The following ZCWPW2 variants were observed in gnomAD, a reference collection of about 807,000 sequenced individuals.
ZCWPW2 encodes the protein zinc finger CW-type and PWWP domain containing 2.
Under a neutral mutation model 46.6 loss-of-function variants are expected in ZCWPW2, and 45 were observed. The observed-to-expected ratio is 0.96, with a 90% confidence interval of 0.76 to 1.24. The LOEUF is 1.24. Ranked by LOEUF, ZCWPW2 falls within the 50% of genes most tolerant of loss-of-function variation. The pLI is 0.00. For missense variants in ZCWPW2, 429 were observed against 403.9 expected, an observed-to-expected ratio of 1.06 and a Z score of -0.53; for synonymous variants, 152 against 137.1, an observed-to-expected ratio of 1.11 and a Z score of -0.76.
chr3:28,429,374 A>G (rs1019269708), intron 3 of ZCWPW2, among the ~76,000 whole-genome samples: 1 of 152,172 alleles, frequency 6.6e-6, no homozygotes, highest in Non-Finnish European at 1.5e-5. Context: ...AATTTTAAGC[A>G]GCAATGTGAT....
chr3:28,396,086 G>C lies in ZCWPW2; in HGVS notation c.-14+5469G>C, dbSNP rs181184377. 2.3e-3 allele frequency among the ~76,000 whole-genome samples: 349 copies of C among 152,184 alleles called. 1 individual carries two copies. The highest frequency in any genetic ancestry group is 8.0e-3 in the African/African-American group (332 of 41,544). On this transcript the variant is annotated intron_variant, in intron 2 of 9. Transcript: ENST00000383768. ...GATAATGCAGCAGGGTCAGTAGAGA[G>C]TTTTTGAGGAAAATTGGAAAAGCCA... is the stretch of plus-strand genomic sequence containing the variant.
chr3:28,450,496 T>C (rs1698183635), intron 4 of ZCWPW2, among the ~76,000 whole-genome samples: 1 of 152,228 alleles, frequency 6.6e-6, no homozygotes, highest in African/African-American at 2.4e-5. Context: ...CATTATAATT[T>C]TTCTTGGGCA....
At chr3:28,412,954 T>C (rs1696461770) in intron 2 of ZCWPW2, 102 bp from the exon 3 acceptor site, 2 of 859,450 alleles carry the variant, frequency 2.3e-6, no homozygotes, top group East Asian at 2.7e-5. Flanking sequence ...GGGGTGGGCA[T>C]AGAAGATATC....
Position 28,436,607 on chromosome 3 carries a change from A to T in ZCWPW2, c.492+1338A>T, listed in dbSNP as rs941250836. On this transcript the variant is annotated intron_variant, in intron 4 of 9. Transcript: ENST00000383768. ...TATCTTTGGCAAATATATAGTAAAA[A>T]CTATGTATTTTATACTATTTTGTTT... 6.6e-5 allele frequency among the ~76,000 whole-genome samples: 10 copies of T among 151,998 alleles called. No homozygotes were observed. The South Asian group carries it at 1.9e-3, about 28-fold the overall frequency.
chr3:28,485,682 C>G (rs1258573449), intron 5 of ZCWPW2, among the ~76,000 whole-genome samples: 1 of 152,092 alleles, frequency 6.6e-6, no homozygotes, highest in African/African-American at 2.4e-5. Flanking sequence ...GAAGTCTGCT[C>G]TGTTTCAAAT....
chr3:28,399,898 A>G (rs1695855730), intron 2 of ZCWPW2, among the ~76,000 whole-genome samples: 1 of 152,166 alleles, frequency 6.6e-6, no homozygotes, highest in African/African-American at 2.4e-5. Context: ...AAATCACACT[A>G]GCTCATGAGC....
At chr3:28,436,966 C>T (rs982844499) in intron 4 of ZCWPW2, among the ~76,000 whole-genome samples, 2 of 152,316 alleles carry the variant, frequency 1.3e-5, no homozygotes, top group African/African-American at 2.4e-5. Flanking sequence ...CTCCAATTTA[C>T]ACTCTATTGT....
intron 1 of ZCWPW2, among the ~76,000 whole-genome samples, chr3:28,366,795 C>G (rs1184654459): frequency 6.6e-6 from 1 of 152,120 alleles, no homozygotes; most frequent in East Asian, 1.9e-4. Context: ...GGTTGGTAAG[C>G]TATTAATTAT....
chr3:28,441,050 T>C (rs1452872785), intron 4 of ZCWPW2, among the ~76,000 whole-genome samples: 1 of 152,184 alleles, frequency 6.6e-6, no homozygotes, highest in Non-Finnish European at 1.5e-5. Context: ...AGCCCATGCA[T>C]AACCTCCATC....
At chr3:28,382,689 G>T (rs1030466680) in intron 1 of ZCWPW2, among the ~76,000 whole-genome samples, 3 of 152,046 alleles carry the variant, frequency 2.0e-5, no homozygotes, top group African/African-American at 7.2e-5. Context: ...GAGAAAAAAG[G>T]TACATATAAT....
chr3:28,522,781 T>C (rs1700756503), intron 9 of ZCWPW2, among the ~76,000 whole-genome samples: 2 of 152,166 alleles, frequency 1.3e-5, no homozygotes, highest in African/African-American at 2.4e-5. Flanking sequence ...AAAAAAAGAC[T>C]TGTTTTCTAT....
intron 3 of ZCWPW2, among the ~76,000 whole-genome samples, chr3:28,433,200 G>A (rs1697341221): frequency 6.6e-6 from 1 of 152,058 alleles, no homozygotes; most frequent in Admixed American, 6.6e-5. Context: ...AACCAGCAAG[G>A]AAATGTAATT....
intron 2 of ZCWPW2, among the ~76,000 whole-genome samples, chr3:28,403,878 T>A (rs1347756498): frequency 3.9e-5 from 6 of 152,314 alleles, no homozygotes; most frequent in Non-Finnish European, 2.9e-5. Context: ...TCTCTCACCT[T>A]ACACAAAAAT....
rs150371108 is a variant in ZCWPW2, at chr3:28,484,130, T to C, written c.610+5199T>C. Reference sequence around the variant, plus strand: ...CTTTAGATATTTTGTAAATGCTCTTTATGAAGCTGAGGAAGTTCCCGTCCT... The same window carrying C: ...CTTTAGATATTTTGTAAATGCTCTTCATGAAGCTGAGGAAGTTCCCGTCCT... On this transcript the variant is annotated intron_variant, in intron 5 of 9. Transcript: ENST00000383768. 2.5e-3 allele frequency among the ~76,000 whole-genome samples: 380 copies of C among 152,234 alleles called. 1 individual carries two copies. Among genetic ancestry groups the C allele is most frequent in the African/African-American group, 8.3e-3 (347 of 41,586 alleles).
chr3:28,482,603 T>G (rs1194640249), intron 5 of ZCWPW2, among the ~76,000 whole-genome samples: 1 of 152,210 alleles, frequency 6.6e-6, no homozygotes, highest in African/African-American at 2.4e-5. Context: ...TGCACCATTT[T>G]GCATTCCCAC....
intron 1 of ZCWPW2, among the ~76,000 whole-genome samples, chr3:28,384,213 C>T (rs911950440): frequency 1.3e-5 from 2 of 152,140 alleles, no homozygotes; most frequent in Non-Finnish European, 2.9e-5. Context: ...TCCTTGCTTT[C>T]ATCTTTCTCT....
At chr3:28,434,523 T>G (rs952057524) in intron 3 of ZCWPW2, among the ~76,000 whole-genome samples, 1 of 152,234 alleles carries the variant, frequency 6.6e-6, no homozygotes. Context: ...TTGAAGATTT[T>G]TTAACAATGT....
At chr3:28,410,852 G>A (rs999817140) in intron 2 of ZCWPW2, among the ~76,000 whole-genome samples, 26 of 151,860 alleles carry the variant, frequency 1.7e-4, no homozygotes, top group Non-Finnish European at 2.9e-5. Context: ...AATTCTGGTT[G>A]TTTAATAAAC....
intron 2 of ZCWPW2, among the ~76,000 whole-genome samples, chr3:28,407,287 A>C (rs972924140): frequency 6.6e-6 from 1 of 152,214 alleles, no homozygotes; most frequent in Admixed American, 6.5e-5. Context: ...GTATTTGTAC[A>C]TCTAACATCA....
Sources: allele counts gnomAD v4.1 joint callset (sites outside exome capture counted in the v4.1 genomes callset), GRCh38; gene constraint gnomAD v4.1.1; transcripts MANE v1.5; gene names NCBI Gene and HGNC (gene_info 2026-07-23, HGNC 2026-07-21).